Variants in SAMMSON observed in about 807,000 individuals in gnomAD.
The protein encoded by SAMMSON is long intergenic non-protein coding RNA 1212.
chr3:70,430,286 T>C (rs1230191566), intron 2 of SAMMSON, among the ~76,000 whole-genome samples: 2 of 152,214 alleles, frequency 1.3e-5, no homozygotes, highest in African/African-American at 4.8e-5. Context: ...TTTGCAGATG[T>C]TCAACCAGCC....
At chr3:70,249,867 G>A (rs141652149) in intron 6 of SAMMSON, among the ~76,000 whole-genome samples, 2,225 of 152,114 alleles carry the variant, frequency 0.015, 20 homozygotes, top group South Asian at 0.056. Flanking sequence ...TCCTTTATTT[G>A]CTAACGTTAA....
At chr3:70,211,946 G>T (rs1266957304) in intron 4 of SAMMSON, among the ~76,000 whole-genome samples, 1 of 148,620 alleles carries the variant, frequency 6.7e-6, no homozygotes, top group South Asian at 2.1e-4. Context: ...GTAATTCCTT[G>T]ACTGACCTAG....
At chr3:70,165,669 A>G (rs1423471039) in intron 4 of SAMMSON, among the ~76,000 whole-genome samples, 1 of 152,008 alleles carries the variant, frequency 6.6e-6, no homozygotes, top group East Asian at 1.9e-4. Context: ...CTCATTCCTG[A>G]ACACTCTGTC....
intron 7 of SAMMSON, among the ~76,000 whole-genome samples, chr3:70,340,827 C>T (rs1479978412): frequency 6.6e-6 from 1 of 152,094 alleles, no homozygotes; most frequent in Non-Finnish European, 1.5e-5. Flanking sequence ...TGTATTGTTT[C>T]ACTGTAAGAA....
downstream of SAMMSON, among the ~76,000 whole-genome samples, chr3:70,391,671 G>A (rs186170642): frequency 5.9e-5 from 9 of 152,172 alleles, no homozygotes; most frequent in Admixed American, 3.9e-4. Flanking sequence ...TCTATGAAAG[G>A]GAGGTGGGAA....
chr3:70,088,595 G>A (rs764069125), intron 4 of SAMMSON, among the ~76,000 whole-genome samples: 5 of 152,194 alleles, frequency 3.3e-5, no homozygotes, highest in Admixed American at 6.5e-5. Context: ...CTTTTGTAGA[G>A]AAGGTGAGAC....
intron 4 of SAMMSON, among the ~76,000 whole-genome samples, chr3:70,190,944 A>C (rs11128168): frequency 0.55 from 84,082 of 151,998 alleles, 23,776 homozygotes; most frequent in Non-Finnish European, 0.6. Context: ...TCTTGCCTTC[A>C]TCCCTGATTT....
At chr3:70,248,616 G>A (rs1575606230) in intron 4 of SAMMSON, among the ~76,000 whole-genome samples, 1 of 152,082 alleles carries the variant, frequency 6.6e-6, no homozygotes, top group African/African-American at 2.4e-5. Flanking sequence ...TGGATTAGAA[G>A]AGCAATATTT....
chr3:70,024,552 A>C (rs547021862), intron 3 of SAMMSON, among the ~76,000 whole-genome samples: 1 of 152,194 alleles, frequency 6.6e-6, no homozygotes, highest in Non-Finnish European at 1.5e-5. Context: ...TGATGCCAGG[A>C]GACCCCTCCC....
intron 4 of SAMMSON, among the ~76,000 whole-genome samples, chr3:70,134,505 A>C (rs1040492000): frequency 2.0e-5 from 3 of 152,128 alleles, no homozygotes; most frequent in Non-Finnish European, 4.4e-5. Context: ...ATATTTCCCA[A>C]TGGATATATA....
At chr3:70,407,133 C>T (rs1224410367) in intron 2 of SAMMSON, among the ~76,000 whole-genome samples, 1 of 152,092 alleles carries the variant, frequency 6.6e-6, no homozygotes, top group African/African-American at 2.4e-5. Context: ...GGGGAACCAC[C>T]CCCATGACTC....
At chr3:70,301,670 A>G (rs1244049452) in intron 7 of SAMMSON, among the ~76,000 whole-genome samples, 2 of 152,252 alleles carry the variant, frequency 1.3e-5, no homozygotes, top group East Asian at 1.9e-4. Flanking sequence ...TTTTAAGACA[A>G]ACGTGAAGTG....
chr3:70,134,044 C>G, intron 4 of SAMMSON, among the ~76,000 whole-genome samples: 1 of 149,940 alleles, frequency 6.7e-6, no homozygotes, highest in Non-Finnish European at 1.5e-5. Flanking sequence ...GAGTTCGAGA[C>G]CTGTCTGGCC....
chr3:70,146,155 C>T (rs1373985551), intron 4 of SAMMSON, among the ~76,000 whole-genome samples: 1 of 152,008 alleles, frequency 6.6e-6, no homozygotes, highest in Non-Finnish European at 1.5e-5. Flanking sequence ...TTTCAATAGT[C>T]TTCTACTATT....
At chr3:70,154,138 T>A (rs1182382030) in intron 4 of SAMMSON, among the ~76,000 whole-genome samples, 3 of 151,946 alleles carry the variant, frequency 2.0e-5, no homozygotes, top group Non-Finnish European at 4.4e-5. Context: ...TAAAGCAACA[T>A]TTAATTACAT....
At chr3:70,420,387 T>TA (rs1701301889) in intron 2 of SAMMSON, among the ~76,000 whole-genome samples, 2 of 152,222 alleles carry the variant, frequency 1.3e-5, no homozygotes, top group Non-Finnish European at 2.9e-5. Context: ...CATGGTACCA[T>TA]AATATGATTC....
chr3:70,306,833 T>C (rs1280778381), intron 7 of SAMMSON, among the ~76,000 whole-genome samples: 1 of 152,184 alleles, frequency 6.6e-6, no homozygotes, highest in East Asian at 1.9e-4. Flanking sequence ...TCAATACTCT[T>C]AGCTTCACAT....
intron 4 of SAMMSON, among the ~76,000 whole-genome samples, chr3:70,192,736 A>G (rs1022489660): frequency 6.6e-6 from 1 of 152,228 alleles, no homozygotes; most frequent in East Asian, 1.9e-4. Flanking sequence ...TATTCGTAGT[A>G]TAAGTAGGTC....
intron 6 of SAMMSON, among the ~76,000 whole-genome samples, chr3:70,255,027 C>CT (rs2031835116): frequency 6.6e-6 from 1 of 151,800 alleles, no homozygotes; most frequent in African/African-American, 2.4e-5. Flanking sequence ...TACAACAATA[C>CT]TTTTTGAAAT....
Sources: gnomAD v4.1 joint callset for allele counts (sites outside exome capture counted in the v4.1 genomes callset) on GRCh38, gnomAD v4.1.1 for gene constraint, MANE v1.5 for transcripts, NCBI Gene and HGNC (gene_info 2026-07-23, HGNC 2026-07-21) for gene names.